The following PPP1R12A variants were observed in gnomAD, a reference collection of about 807,000 sequenced individuals.
PPP1R12A encodes myosin binding subunit.
In PPP1R12A, 19 loss-of-function variants were observed where a neutral mutation model predicts 139.6. The ratio of observed to expected loss-of-function variants is 0.14; its 90% CI spans 0.09 to 0.20. PPP1R12A has a LOEUF of 0.20. Among genes scored for constraint, PPP1R12A ranks in the 10% least tolerant of loss-of-function variants. PPP1R12A has a pLI of 1.00. For synonymous variants in PPP1R12A, 427 were observed against 420.6 expected, an observed-to-expected ratio of 1.02 and a Z score of -0.19; for missense variants, 925 against 1,211.5, an observed-to-expected ratio of 0.76 and a Z score of 3.51.
At chr12:79,788,316 T>C (rs1233082981) in intron 21 of PPP1R12A, 2 of 178,846 alleles carry the variant, frequency 1.1e-5, no homozygotes, top group East Asian at 2.8e-4. Flanking sequence ...TATATTATCT[T>C]AGGAAAAGCC....
chr12:79,774,148 A>T lies in PPP1R12A; in HGVS notation c.*1781T>A, dbSNP rs1869505672. ...TTATCTGTATATTTTACCTCCACAT[A>T]AGACCATGGAAATTCTCAATATTCA... On this transcript the variant is annotated 3_prime_UTR_variant, in exon 25 of 25. Transcript: ENST00000450142. 6.6e-6 allele frequency: 1 copy of T among 152,104 alleles called. No homozygotes were observed. The highest frequency in any genetic ancestry group is 1.5e-5 in the Non-Finnish European group (1 of 67,968). 9.4% of individuals were successfully genotyped at this position (152,104 alleles called of 1,614,324 possible).
At chr12:79,852,999 T>G (rs1880236787) in intron 2 of PPP1R12A, among the ~76,000 whole-genome samples, 1 of 152,164 alleles carries the variant, frequency 6.6e-6, no homozygotes, top group Non-Finnish European at 1.5e-5. Context: ...GGGGAAAGGC[T>G]AGTTAACCAT....
intron 4 of PPP1R12A, among the ~76,000 whole-genome samples, chr12:79,831,493 G>A (rs1877417833): frequency 6.6e-6 from 1 of 152,116 alleles, no homozygotes; most frequent in Non-Finnish European, 1.5e-5. Context: ...TGAGGTGGGA[G>A]GACTGCCTGA....
intron 1 of PPP1R12A, among the ~76,000 whole-genome samples, chr12:79,913,124 T>C (rs1001486347): frequency 1.1e-4 from 16 of 152,238 alleles, no homozygotes; most frequent in African/African-American, 1.9e-4. Context: ...ACTTTTTGTA[T>C]GTTTATTACC....
chr12:79,893,547 C>A (rs1394161584), intron 1 of PPP1R12A, among the ~76,000 whole-genome samples: 1 of 152,130 alleles, frequency 6.6e-6, no homozygotes, highest in East Asian at 1.9e-4. Flanking sequence ...ACCTTGTCTA[C>A]AAGTATGATT....
chr12:79,788,513 C>T (rs1871390421), intron 21 of PPP1R12A, 135 bp downstream of exon 21: 1 of 788,250 alleles, frequency 1.3e-6, no homozygotes, highest in Non-Finnish European at 1.9e-6. Context: ...TTCTACTTAA[C>T]CATCACTTGC....
intron 2 of PPP1R12A, among the ~76,000 whole-genome samples, chr12:79,848,049 T>C (rs565750711): frequency 6.6e-6 from 1 of 152,306 alleles, no homozygotes; most frequent in South Asian, 2.1e-4. Flanking sequence ...CTGTAATAAG[T>C]TTGTTCTGGA....
chr12:79,836,453 AC>A (rs1406816986), intron 3 of PPP1R12A, among the ~76,000 whole-genome samples: 177 of 152,216 alleles, frequency 1.2e-3, no homozygotes, highest in African/African-American at 4.2e-3. Flanking sequence ...GTTAAAAAAA[AC>A]CTACTTCTTT....
chr12:79,873,611 C>CTAT (rs1882796635), intron 1 of PPP1R12A, among the ~76,000 whole-genome samples: 1 of 151,510 alleles, frequency 6.6e-6, no homozygotes, highest in Admixed American at 6.6e-5. Flanking sequence ...CTGCAATGAA[C>CTAT]TATGATCACA....
intron 3 of PPP1R12A, among the ~76,000 whole-genome samples, chr12:79,838,826 C>A (rs1214224901): frequency 6.6e-6 from 1 of 152,204 alleles, no homozygotes; most frequent in Non-Finnish European, 1.5e-5. Flanking sequence ...AGGTAGAGCC[C>A]TCATGGAGAA....
intron 1 of PPP1R12A, among the ~76,000 whole-genome samples, chr12:79,906,638 A>C (rs1316012043): frequency 2.7e-5 from 4 of 150,464 alleles, no homozygotes; most frequent in African/African-American, 9.9e-5. Flanking sequence ...TTTATTTATA[A>C]ATTTATTTAT....
chr12:79,931,732 C>A (rs950249143), intron 1 of PPP1R12A, among the ~76,000 whole-genome samples: 3 of 152,046 alleles, frequency 2.0e-5, no homozygotes, highest in African/African-American at 7.2e-5. Context: ...TCTAGAAAAA[C>A]CAGAAATTTG....
At chr12:79,814,815 CAAAAAAAAA>C (rs149384466) in intron 9 of PPP1R12A, among the ~76,000 whole-genome samples, 42 of 69,748 alleles carry the variant, frequency 6.0e-4, no homozygotes, top group African/African-American at 2.4e-3. Flanking sequence ...AACTCTGTCT[CAAAAAAAAA>C]AAAAAAAAAA....
intron 24 of PPP1R12A, 43 bp from the exon 25 acceptor site, chr12:79,776,058 T>A: frequency 1.7e-6 from 2 of 1,151,268 alleles, no homozygotes; most frequent in Non-Finnish European, 1.2e-6. Context: ...CCTTCAATAT[T>A]AAAAGATAAA....
chr12:79,922,544 G>C (rs1216556258), intron 1 of PPP1R12A, among the ~76,000 whole-genome samples: 1 of 152,126 alleles, frequency 6.6e-6, no homozygotes, highest in Non-Finnish European at 1.5e-5. Context: ...GCAGGGACAT[G>C]GATGAAGCTG....
At position 79,923,618 on chromosome 12, in the gene PPP1R12A, T is replaced by A. The variant is rs187883385; in HGVS notation, c.237+11077A>T. Among the ~76,000 whole-genome samples, 534 of 152,348 alleles carry A rather than the reference T, an allele frequency of 3.5e-3. 1 individual carries two copies. The highest frequency in any genetic ancestry group is 4.7e-3 in the Non-Finnish European group (320 of 68,022). On this transcript the variant is annotated intron_variant, in intron 1 of 24. Coordinates refer to ENST00000450142, the MANE Select transcript of PPP1R12A (RefSeq NM_002480.3). ...CAAAGTCCAGTCCCGAAATTTTGGA[T>A]AACATTTTATTTTTTACATTTGTCT...
At chr12:79,900,729 C>T (rs1045509791) in intron 1 of PPP1R12A, among the ~76,000 whole-genome samples, 1 of 152,068 alleles carries the variant, frequency 6.6e-6, no homozygotes, top group African/African-American at 2.4e-5. Flanking sequence ...GAGGAGAAGG[C>T]TCCTAAATAG....
At chr12:79,777,028 A>G (rs1254678877) in intron 24 of PPP1R12A, 2 of 357,218 alleles carry the variant, frequency 5.6e-6, no homozygotes, top group Non-Finnish European at 7.8e-6. Context: ...GATATAAAAT[A>G]TAGTAATATT....
intron 22 of PPP1R12A, among the ~76,000 whole-genome samples, chr12:79,783,783 T>G (rs945180766): frequency 1.3e-5 from 2 of 152,216 alleles, no homozygotes; most frequent in African/African-American, 4.8e-5. Context: ...GGTTTGCCAA[T>G]TTCATTGATT....
Sources: allele counts gnomAD v4.1 joint callset (sites outside exome capture counted in the v4.1 genomes callset), GRCh38; gene constraint gnomAD v4.1.1; transcripts MANE v1.5; gene names NCBI Gene and HGNC (gene_info 2026-07-23, HGNC 2026-07-21).